The following PTPRN2 variants were observed in gnomAD, a reference collection of about 807,000 sequenced individuals.
PTPRN2 encodes the protein protein tyrosine phosphatase receptor type N2.
In PTPRN2, 74 loss-of-function variants were observed where a neutral mutation model predicts 118.8. That is an observed-to-expected ratio of 0.62 (90% confidence interval 0.52 to 0.76). The LOEUF (loss-of-function observed/expected upper bound fraction) is 0.76, where lower values mean the gene tolerates loss of function less well. PTPRN2 is among the 30% of genes least tolerant of loss of function. The pLI is 0.00. For synonymous variants in PTPRN2, 641 were observed against 608.0 expected (o/e 1.05, Z -0.80); for missense variants, 1,481 against 1,394.4 (o/e 1.06, Z -0.99).
chr7:157,823,169 AT>A (rs1470995719), intron 12 of PTPRN2, among the ~76,000 whole-genome samples: 1 of 152,150 alleles, frequency 6.6e-6, no homozygotes, highest in Non-Finnish European at 1.5e-5. Context: ...ATCCATCCAG[AT>A]TTCTATTGAG....
chr7:158,303,446 C>T (rs1323687009), intron 3 of PTPRN2, among the ~76,000 whole-genome samples: 1 of 152,222 alleles, frequency 6.6e-6, no homozygotes, highest in Non-Finnish European at 1.5e-5. Context: ...TAAAATTTTA[C>T]TGCTCTATAC....
chr7:158,287,946 C>T (rs1351312415), intron 3 of PTPRN2, among the ~76,000 whole-genome samples: 1 of 152,102 alleles, frequency 6.6e-6, no homozygotes, highest in African/African-American at 2.4e-5. Context: ...CAGTCCATCT[C>T]TCTTTCTTCA....
intron 12 of PTPRN2, among the ~76,000 whole-genome samples, chr7:157,890,061 T>C (rs1218058758): frequency 6.6e-6 from 1 of 151,610 alleles, no homozygotes; most frequent in Non-Finnish European, 1.5e-5. Flanking sequence ...TATAGTTTTA[T>C]ATTTTAAGTC....
At chr7:158,101,676 C>T (rs968275936) in intron 10 of PTPRN2, among the ~76,000 whole-genome samples, 4 of 152,182 alleles carry the variant, frequency 2.6e-5, no homozygotes, top group African/African-American at 9.7e-5. Context: ...CCCAGCTCAC[C>T]ATGAAAGCCA....
At chr7:157,576,584 C>T (rs887870234) in intron 19 of PTPRN2, 29 bp downstream of exon 19, 2 of 1,587,890 alleles carry the variant, frequency 1.3e-6, no homozygotes, top group African/African-American at 1.3e-5. Flanking sequence ...TCAGCGCGCA[C>T]TGCCCTGCCG....
rs1460858446 is a variant in PTPRN2, at chr7:157,982,102, G to C, written c.1724-83365C>G. Among the ~76,000 whole-genome samples the C allele has an allele frequency of 1.4e-5, 2 of 143,398 alleles. 1 individual carries two copies. The highest frequency in any genetic ancestry group is 5.1e-5 in the African/African-American group (2 of 39,180). 94.1% of individuals were successfully genotyped at this position (143,398 alleles called of 152,430 possible). A position where few individuals can be genotyped will look rare whatever the true frequency, so the allele number is the denominator to read the frequency against. ...GTGCAGGGTCCCCTCTAAACCCCGA[G>C]TCACAGAGACAAGGAGGGGAATGCA... is the stretch of plus-strand genomic sequence containing the variant. On this transcript the variant is annotated intron_variant, in intron 11 of 22. Coordinates refer to ENST00000389418, the MANE Select transcript of PTPRN2 (RefSeq NM_002847.5).
chr7:158,324,853 G>A (rs1466626676), intron 2 of PTPRN2, among the ~76,000 whole-genome samples: 1 of 152,140 alleles, frequency 6.6e-6, no homozygotes, highest in East Asian at 1.9e-4. Context: ...TGTGAGGAAA[G>A]TACTCTTGCC....
intron 12 of PTPRN2, among the ~76,000 whole-genome samples, chr7:157,790,307 G>A (rs1455253382): frequency 6.6e-6 from 1 of 150,872 alleles, no homozygotes; most frequent in East Asian, 1.9e-4. Flanking sequence ...GTATGGTGGT[G>A]TGTGTGTGTG....
At chr7:158,385,923 A>G (rs57779896) in intron 2 of PTPRN2, among the ~76,000 whole-genome samples, 6 of 129,362 alleles carry the variant, frequency 4.6e-5, no homozygotes, top group Admixed American at 2.3e-4. Context: ...CCCTCCTCCC[A>G]TTCCCCGAGT....
In PTPRN2 at chr7:158,167,392, C is replaced by T. The variant is rs967141631; in HGVS notation, c.550-101G>A. On this transcript the variant is annotated intron_variant, in intron 5 of 22. Transcript: ENST00000389418. Reference sequence around the variant, plus strand: ...TCTCAGTTTTCAAGGTCCTAAACAGCCCTGGGGGTACAAAGATGCCCTTCG... The same window carrying T: ...TCTCAGTTTTCAAGGTCCTAAACAGTCCTGGGGGTACAAAGATGCCCTTCG... The T allele has an allele frequency of 9.2e-6, 13 of 1,414,700 alleles. No individual in the cohort carries two copies. In the South Asian group the frequency reaches 1.7e-4, roughly 19 times the overall value. 87.6% of individuals were successfully genotyped at this position (1,414,700 alleles called of 1,614,324 possible).
chr7:158,523,419 CTGCCCTGAAGCGGA>C (rs1250252101), intron 1 of PTPRN2, among the ~76,000 whole-genome samples: 1,361 of 134,740 alleles, frequency 0.01, no homozygotes, highest in East Asian at 0.021. Context: ...GGAGCGGAGT[CTGCCCTGAAGCGGA>C]GTCTGCCCTG....
rs573448326 is a variant in PTPRN2 at position 157,785,210 on chromosome 7, G to A, written c.1789-102273C>T. ...ATGGAGCAGGATAACCCGGGCCCACGTGGGGACACGCCCCGCCCCACAGGC... is the reference window on the plus strand; with the variant it reads ...ATGGAGCAGGATAACCCGGGCCCACATGGGGACACGCCCCGCCCCACAGGC... On this transcript the variant is annotated intron_variant, in intron 12 of 22. Coordinates refer to ENST00000389418, the MANE Select transcript of PTPRN2 (RefSeq NM_002847.5). The surrounding 1 kb of genome is among the most constrained non-coding windows in gnomAD (Gnocchi z 7.3). 1.2e-4 allele frequency among the ~76,000 whole-genome samples: 19 copies of A among 152,128 alleles called. No homozygotes were observed. Among genetic ancestry groups the A allele is most frequent in the South Asian group, 8.3e-4 (4 of 4,814 alleles).
intron 22 of PTPRN2, among the ~76,000 whole-genome samples, chr7:157,546,993 A>C (rs1372309889): frequency 6.6e-6 from 1 of 152,158 alleles, no homozygotes; most frequent in Non-Finnish European, 1.5e-5. Flanking sequence ...TCCTAAAGCC[A>C]GTGTGTGTTC....
At chr7:158,156,592 G>A (rs1055012665) in intron 6 of PTPRN2, among the ~76,000 whole-genome samples, 3 of 152,212 alleles carry the variant, frequency 2.0e-5, no homozygotes, top group African/African-American at 7.2e-5. Flanking sequence ...GAGGGCAGGT[G>A]AACACACAGC....
At chr7:158,492,776 A>G (rs1356701737) in intron 1 of PTPRN2, among the ~76,000 whole-genome samples, 1 of 152,264 alleles carries the variant, frequency 6.6e-6, no homozygotes, top group African/African-American at 2.4e-5. Context: ...ATGACCATAA[A>G]TCATCCAGAG....
chr7:158,456,910 A>G (rs1265108584), intron 2 of PTPRN2, among the ~76,000 whole-genome samples: 1 of 152,158 alleles, frequency 6.6e-6, no homozygotes, highest in African/African-American at 2.4e-5. Flanking sequence ...CAGCACCAGG[A>G]TCACCACAAC....
intron 12 of PTPRN2, among the ~76,000 whole-genome samples, chr7:157,891,718 G>C (rs1796819594): frequency 6.6e-6 from 1 of 152,202 alleles, no homozygotes; most frequent in Admixed American, 6.5e-5. Context: ...CAGAAGCCCA[G>C]TGAGCAGCAG....
chr7:158,238,766 G>A (rs1354562519), intron 3 of PTPRN2, among the ~76,000 whole-genome samples: 1 of 152,112 alleles, frequency 6.6e-6, no homozygotes, highest in Non-Finnish European at 1.5e-5. Context: ...CAGTCCTGAG[G>A]GGCAGACCAG....
At chr7:158,163,424 C>T (rs113744650) in intron 6 of PTPRN2, among the ~76,000 whole-genome samples, 2,611 of 137,932 alleles carry the variant, frequency 0.019, 76 homozygotes, top group African/African-American at 0.069. Context: ...ATATTCTCTG[C>T]GTGTTTCATA....
Sources: allele counts gnomAD v4.1 joint callset (sites outside exome capture counted in the v4.1 genomes callset), GRCh38; gene constraint gnomAD v4.1.1; non-coding constraint Gnocchi (gnomAD v3.1); transcripts MANE v1.5; gene names NCBI Gene and HGNC (gene_info 2026-07-23, HGNC 2026-07-21).